Variants in GLDN observed in about 807,000 individuals in gnomAD.
The protein encoded by GLDN is collomin.
GLDN carries 47 observed loss-of-function variants against 56.5 expected under a neutral mutation model. That is an observed-to-expected ratio of 0.83 (90% CI 0.66 to 1.06). The LOEUF is 1.06. Ranked by LOEUF, GLDN falls within the 50% of genes least tolerant of loss-of-function variation. The pLI, the probability that GLDN is intolerant of heterozygous loss-of-function variation, is 0.00. For missense variants in GLDN, 782 were observed against 714.3 expected, an observed-to-expected ratio of 1.09 and a Z score of -1.08; for synonymous variants, 332 against 278.8, an observed-to-expected ratio of 1.19 and a Z score of -1.90.
intron 4 of GLDN, among the ~76,000 whole-genome samples, chr15:51,388,541 G>A (rs1243398409): frequency 1.3e-5 from 2 of 152,208 alleles, no homozygotes; most frequent in African/African-American, 4.8e-5. Flanking sequence ...TGTGAGGCCT[G>A]TGAGAGCTTG....
chr15:51,383,492 T>G, intron 3 of GLDN, 39 bp downstream of exon 3: 4 of 1,611,832 alleles, frequency 2.5e-6, no homozygotes, highest in Non-Finnish European at 3.4e-6. Context: ...GGGGAGGCTG[T>G]GGGTGGCCAG....
intron 1 of GLDN, among the ~76,000 whole-genome samples, chr15:51,352,146 A>G (rs1434869886): frequency 6.6e-6 from 1 of 151,926 alleles, no homozygotes; most frequent in Admixed American, 6.6e-5. Context: ...GTGCCGAAAG[A>G]TTGGGTGTCT....
chr15:51,351,069 T>C, intron 1 of GLDN: 1 of 253,972 alleles, frequency 3.9e-6, no homozygotes, highest in South Asian at 5.0e-5. Context: ...TCAAGATTTT[T>C]TTGTCTTCAT....
At chr15:51,360,884 CT>C (rs1245898314) in intron 1 of GLDN, among the ~76,000 whole-genome samples, 2 of 152,314 alleles carry the variant, frequency 1.3e-5, no homozygotes, top group African/African-American at 4.8e-5. Context: ...TGAGAAAACA[CT>C]CTTACAGATG....
intron 4 of GLDN, among the ~76,000 whole-genome samples, chr15:51,394,570 G>A (rs894987576): frequency 6.6e-6 from 1 of 152,164 alleles, no homozygotes; most frequent in East Asian, 1.9e-4. Flanking sequence ...CCGAGATCGC[G>A]CTACTGCACA....
chr15:51,370,373 A>T (rs1294238256), intron 1 of GLDN, among the ~76,000 whole-genome samples: 1 of 152,230 alleles, frequency 6.6e-6, no homozygotes, highest in African/African-American at 2.4e-5. Context: ...CTGTTTACCC[A>T]GGGCAGCTCC....
At position 51,401,595 on chromosome 15, in the gene GLDN, A is replaced by G. The variant is rs780815033; in HGVS notation, c.1030A>G (p.Ile344Val). 8.1e-6 allele frequency: 13 copies of G among 1,612,866 alleles called. No individual in the cohort carries two copies. In the African/African-American group the frequency reaches 1.5e-4, roughly 18 times the overall value. Reference sequence around the variant, plus strand: ...TCTCCCTGGCTTCCCTCCTACAGGCATCATGGTTAAGGAATTCAAGGATCA... The same window carrying G: ...TCTCCCTGGCTTCCCTCCTACAGGCGTCATGGTTAAGGAATTCAAGGATCA... ...RIWVTEHFSG[I>V]MVKEFKDQPS... Residue 344 changes from isoleucine to valine, a missense_variant and splice_region_variant, in exon 9 of 10, where the codon ATC becomes GTC. Physicochemically the swap from Ile to Val is conservative, Grantham distance 29. Transcript: ENST00000335449.
intron 1 of GLDN, among the ~76,000 whole-genome samples, chr15:51,373,607 C>T (rs2037560118): frequency 6.6e-6 from 1 of 152,220 alleles, no homozygotes; most frequent in African/African-American, 2.4e-5. Flanking sequence ...TGACTTGAGG[C>T]ATCAGTGAAG....
rs1057020760 is a variant in GLDN at position 51,362,129 on chromosome 15, C to T, written c.364-15320C>T. 2.6e-5 allele frequency among the ~76,000 whole-genome samples: 4 copies of T among 151,942 alleles called. No homozygotes were observed. In the South Asian group the frequency reaches 8.3e-4, roughly 32 times the overall value. ...AGAGGGAATAGCAAGTGCAAAGGCC[C>T]CGAGTTGAGAGAGCTCAGGGAAGGA... On this transcript the variant is annotated intron_variant, in intron 1 of 9. Coordinates refer to ENST00000335449, the MANE Select transcript of GLDN (RefSeq NM_181789.4).
At chr15:51,377,794 G>C (rs1304703274) in intron 2 of GLDN, among the ~76,000 whole-genome samples, 1 of 152,180 alleles carries the variant, frequency 6.6e-6, no homozygotes, top group African/African-American at 2.4e-5. Context: ...GTTTTTAAAA[G>C]GGGAAAGAAA....
At position 51,405,633 on chromosome 15, in the gene GLDN, G is replaced by A. The variant is rs1174567006; in HGVS notation, c.*879G>A. On this transcript the variant is annotated 3_prime_UTR_variant, in exon 10 of 10. Transcript: ENST00000335449. ...TTTGTAGCTGTGGATCATGAACACT[G>A]AATCCTCAGATCACTCTGACTTCTT... 2.0e-5 allele frequency: 3 copies of A among 152,096 alleles called. No homozygotes were observed. The highest frequency in any genetic ancestry group is 7.2e-5 in the African/African-American group (3 of 41,408). 9.4% of individuals were successfully genotyped at this position (152,096 alleles called of 1,614,324 possible).
intron 1 of GLDN, chr15:51,360,262 C>T (rs149802052): frequency 2.1e-4 from 32 of 152,330 alleles, no homozygotes; most frequent in African/African-American, 6.7e-4. Context: ...CTTCAAACTT[C>T]GGTGGTTCTG....
chr15:51,378,132 A>C (rs1224239948), intron 2 of GLDN, among the ~76,000 whole-genome samples: 2 of 152,174 alleles, frequency 1.3e-5, no homozygotes, highest in Non-Finnish European at 2.9e-5. Flanking sequence ...TTAGGAGTGC[A>C]ATGTGAGTTT....
At position 51,400,510 on chromosome 15, in the gene GLDN, C is replaced by T. The variant is rs756850716; in HGVS notation, c.1027+12C>T. On this transcript the variant is annotated intron_variant, in intron 8 of 9. Coordinates refer to ENST00000335449, the MANE Select transcript of GLDN (RefSeq NM_181789.4). ...AGAGCATTTTTCAGGTACTTGCACT[C>T]GGCCTATGACCCATATCTGTGTGGT... 30 of 1,613,112 alleles carry T rather than the reference C, an allele frequency of 1.9e-5. No individual in the cohort carries two copies. The highest frequency in any genetic ancestry group is 1.6e-4 in the African/African-American group (12 of 74,896).
chr15:51,357,235 G>A (rs1457297551), intron 1 of GLDN, among the ~76,000 whole-genome samples: 1 of 152,090 alleles, frequency 6.6e-6, no homozygotes, highest in African/African-American at 2.4e-5. Context: ...ACACTCTTTG[G>A]GTCCACGCAT....
chr15:51,375,685 G>A (rs916741616), intron 1 of GLDN, among the ~76,000 whole-genome samples: 1 of 152,230 alleles, frequency 6.6e-6, no homozygotes, highest in Non-Finnish European at 1.5e-5. Context: ...TGGTCATCCA[G>A]TGGGGAGTGT....
intron 1 of GLDN, among the ~76,000 whole-genome samples, chr15:51,356,921 A>G (rs1476886659): frequency 1.3e-5 from 2 of 152,240 alleles, no homozygotes; most frequent in Non-Finnish European, 2.9e-5. Context: ...AAATCAAAAG[A>G]ACTTGCCAGA....
At chr15:51,401,419 A>G (rs1432674526) in intron 8 of GLDN, among the ~76,000 whole-genome samples, 174 bp from the exon 9 acceptor site, 3 of 152,216 alleles carry the variant, frequency 2.0e-5, no homozygotes, top group Non-Finnish European at 4.4e-5. Context: ...TCAGAAATCC[A>G]TATGGAGAAT....
At chr15:51,402,881 C>T (rs1371727012) in intron 9 of GLDN, among the ~76,000 whole-genome samples, 2 of 152,210 alleles carry the variant, frequency 1.3e-5, no homozygotes, top group African/African-American at 4.8e-5. Flanking sequence ...CTGGCCACCC[C>T]ATTTGGGCAG....
Sources: allele counts gnomAD v4.1 joint callset (sites outside exome capture counted in the v4.1 genomes callset), GRCh38; gene constraint gnomAD v4.1.1; transcripts MANE v1.5; gene names NCBI Gene and HGNC (gene_info 2026-07-23, HGNC 2026-07-21).